Variants in ZNF407 observed in about 807,000 individuals in gnomAD.
ZNF407 encodes the protein zinc finger protein 407.
A neutral mutation model predicts 131.2 loss-of-function variants in ZNF407; 17 were observed. The ratio of observed to expected loss-of-function variants is 0.13; its 90% CI spans 0.09 to 0.19. The LOEUF (loss-of-function observed/expected upper bound fraction) is 0.19, where lower values mean the gene tolerates loss of function less well. Ranked by LOEUF, ZNF407 falls within the 10% of genes least tolerant of loss-of-function variation. The pLI is 1.00. For synonymous variants in ZNF407, 1,156 were observed against 1,062.0 expected (o/e 1.09, Z -1.72); for missense variants, 2,681 against 2,830.6 (o/e 0.95, Z 1.20).
At chr18:74,637,994 G>T (rs957746572) in intron 2 of ZNF407, among the ~76,000 whole-genome samples, 1 of 152,276 alleles carries the variant, frequency 6.6e-6, no homozygotes, top group South Asian at 2.1e-4. Context: ...TACATTAGCA[G>T]GACTAAAAAA....
In ZNF407 at chr18:75,063,282, G is replaced by A; in HGVS notation, c.5561G>A (p.Arg1854Lys). 6.2e-7 allele frequency: 1 copy of A among 1,613,726 alleles called. No individual in the cohort carries two copies. Among genetic ancestry groups the A allele is most frequent in the Non-Finnish European group, 8.5e-7 (1 of 1,179,876 alleles). ...LVKEKPLRSS[R>K]RPAPPPEQVQ... Reference sequence around the variant, plus strand: ...AAGGAGAAGCCCCTCAGAAGCAGCAGGAGGCCAGCGCCGCCCCCTGAGCAG... The same window carrying A: ...AAGGAGAAGCCCCTCAGAAGCAGCAAGAGGCCAGCGCCGCCCCCTGAGCAG... The change falls in exon 9 of 9, where the codon AGG becomes AAG. Residue 1854 changes from arginine (R) to lysine (K), a missense_variant. Coordinates refer to ENST00000299687, the MANE Select transcript of ZNF407 (RefSeq NM_017757.3). The surrounding 1 kb of genome is among the most constrained non-coding windows in gnomAD (Gnocchi z 6.6).
intron 8 of ZNF407, among the ~76,000 whole-genome samples, chr18:75,013,199 A>G (rs1973002824): frequency 6.6e-6 from 1 of 152,096 alleles, no homozygotes; most frequent in Admixed American, 6.6e-5. Flanking sequence ...AGAAAAAGAG[A>G]TGCGGTGACA....
At chr18:74,854,166 G>A (rs928685558) in intron 4 of ZNF407, among the ~76,000 whole-genome samples, 1 of 152,182 alleles carries the variant, frequency 6.6e-6, no homozygotes, top group African/African-American at 2.4e-5. Flanking sequence ...ACGGGAGGCA[G>A]TGTTTTATGA....
At position 75,036,311 on chromosome 18, in the gene ZNF407, G is replaced by GA. The variant is rs545209623; in HGVS notation, c.5429-26828dup. ...ACAAAAATAAAACGATGTTCACAGG[G>GA]AAAAAAAAAAAGTATGATTTAGGGA... On this transcript the variant is annotated intron_variant, in intron 8 of 8. Coordinates refer to ENST00000299687, the MANE Select transcript of ZNF407 (RefSeq NM_017757.3). Among the ~76,000 whole-genome samples, 178 of 146,388 alleles carry GA rather than the reference G, an allele frequency of 1.2e-3. 1 individual carries two copies. The highest frequency in any genetic ancestry group is 6.3e-3 in the South Asian group (29 of 4,628).
chr18:74,940,271 A>G (rs1972082021), intron 8 of ZNF407, among the ~76,000 whole-genome samples: 1 of 152,186 alleles, frequency 6.6e-6, no homozygotes, highest in Non-Finnish European at 1.5e-5. Flanking sequence ...GGCCAAAGTC[A>G]CTTAGGATCA....
At chr18:75,058,108 C>T (rs1401740325) in intron 8 of ZNF407, among the ~76,000 whole-genome samples, 1 of 152,190 alleles carries the variant, frequency 6.6e-6, no homozygotes, top group Non-Finnish European at 1.5e-5. Context: ...GCCCCTAGCA[C>T]AGTTTTGGGG....
rs1344091044 is a variant in ZNF407, at chr18:74,676,610, AT to A, written c.4802+35493del. 1.6e-4 allele frequency among the ~76,000 whole-genome samples: 22 copies of A among 136,982 alleles called. No homozygotes were observed. In the East Asian group the frequency reaches 2.6e-3, roughly 16 times the overall value. 89.9% of individuals were successfully genotyped at this position (136,982 alleles called of 152,430 possible). A position where few individuals can be genotyped will look rare whatever the true frequency, so the allele number is the denominator to read the frequency against. On this transcript the variant is annotated intron_variant, in intron 3 of 8. Coordinates refer to ENST00000299687, the MANE Select transcript of ZNF407 (RefSeq NM_017757.3). ...CACCACCGTGCCCGGGTAATTTTGT[AT>A]TTTTAGTAGAGACGGGGTTTCACCG... is the stretch of plus-strand genomic sequence containing the variant.
intron 1 of ZNF407, among the ~76,000 whole-genome samples, chr18:74,628,700 T>A (rs973793115): frequency 1.3e-5 from 2 of 152,116 alleles, no homozygotes; most frequent in Non-Finnish European, 2.9e-5. Context: ...ATCCTCTTGC[T>A]TCAGCTCCGG....
chr18:74,775,129 T>C (rs183775297), intron 3 of ZNF407, among the ~76,000 whole-genome samples: 214 of 152,362 alleles, frequency 1.4e-3, no homozygotes, highest in Admixed American at 2.6e-3. Flanking sequence ...AAATTAGATA[T>C]GAAGTTGTTT....
chr18:74,775,413 G>T (rs1312534038), intron 3 of ZNF407, among the ~76,000 whole-genome samples: 1 of 152,112 alleles, frequency 6.6e-6, no homozygotes, highest in African/African-American at 2.4e-5. Context: ...TAAATTATTC[G>T]TGACTGTTTC....
chr18:74,629,814 G>A (rs1983967372), intron 1 of ZNF407, among the ~76,000 whole-genome samples: 1 of 151,996 alleles, frequency 6.6e-6, no homozygotes, highest in Non-Finnish European at 1.5e-5. Context: ...TAAAGTAAAT[G>A]GAAAATGATA....
chr18:75,017,434 A>G (rs1973058035), intron 8 of ZNF407, among the ~76,000 whole-genome samples: 1 of 152,142 alleles, frequency 6.6e-6, no homozygotes, highest in African/African-American at 2.4e-5. Context: ...TAGGAGGATT[A>G]GGGATCCACT....
At chr18:74,908,540 C>T (rs2145219274) in intron 7 of ZNF407, among the ~76,000 whole-genome samples, 1 of 152,302 alleles carries the variant, frequency 6.6e-6, no homozygotes, top group African/African-American at 2.4e-5. Flanking sequence ...TGGTCCAGCA[C>T]TCCAAATGAC....
chr18:74,686,646 C>T (rs1466066898), intron 3 of ZNF407, among the ~76,000 whole-genome samples: 2 of 152,202 alleles, frequency 1.3e-5, no homozygotes, highest in Non-Finnish European at 2.9e-5. Flanking sequence ...GAAATGAAAT[C>T]TTGTGCACAA....
chr18:74,894,458 A>G (rs1486962334), intron 7 of ZNF407, among the ~76,000 whole-genome samples: 1 of 152,130 alleles, frequency 6.6e-6, no homozygotes, highest in Non-Finnish European at 1.5e-5. Context: ...TTAGTGTGTT[A>G]TAGTAAGTAA....
intron 8 of ZNF407, among the ~76,000 whole-genome samples, chr18:75,020,573 T>G (rs1196903585): frequency 6.6e-6 from 1 of 152,164 alleles, no homozygotes; most frequent in Admixed American, 6.5e-5. Flanking sequence ...AACTATTAAA[T>G]GAATAGCCCA....
intron 2 of ZNF407, among the ~76,000 whole-genome samples, chr18:74,636,662 AAGAC>A (rs1268156089): frequency 2.0e-5 from 3 of 152,252 alleles, no homozygotes; most frequent in East Asian, 3.8e-4. Flanking sequence ...TACGAGGAAG[AAGAC>A]AGAAGAGTGT....
intron 4 of ZNF407, among the ~76,000 whole-genome samples, chr18:74,867,989 T>C (rs974265584): frequency 6.6e-6 from 1 of 152,266 alleles, no homozygotes; most frequent in African/African-American, 2.4e-5. Context: ...TTTTTATTTA[T>C]ACTTTTCTTT....
intron 4 of ZNF407, 54 bp downstream of exon 4, chr18:74,781,556 G>T: frequency 7.4e-7 from 1 of 1,356,578 alleles, no homozygotes; most frequent in Non-Finnish European, 9.9e-7. Flanking sequence ...TTTTATTTTA[G>T]GCTTTATTTA....
Sources: allele counts gnomAD v4.1 joint callset (sites outside exome capture counted in the v4.1 genomes callset), GRCh38; gene constraint gnomAD v4.1.1; non-coding constraint Gnocchi (gnomAD v3.1); transcripts MANE v1.5; gene names NCBI Gene and HGNC (gene_info 2026-07-23, HGNC 2026-07-21).